ATAD5: variants seen among roughly 807,000 people sequenced by gnomAD.
ATAD5 encodes ATPase family AAA domain-containing protein 5.
Under a neutral mutation model 176.9 loss-of-function variants are expected in ATAD5, and 58 were observed. That is an observed-to-expected ratio of 0.33 (90% confidence interval 0.27 to 0.41). The LOEUF (loss-of-function observed/expected upper bound fraction) is 0.41, where lower values mean the gene tolerates loss of function less well. ATAD5 is among the 10% of genes least tolerant of loss of function. The pLI is 1.00. For synonymous variants in ATAD5, 640 were observed against 712.6 expected (o/e 0.90, Z 1.62); for missense variants, 1,789 against 2,094.1 (o/e 0.85, Z 2.84).
chr17:30,894,502 G>A, intron 21 of ATAD5, 62 bp from the exon 22 acceptor site: 1 of 1,507,924 alleles, frequency 6.6e-7, no homozygotes, highest in Admixed American at 1.9e-5. Flanking sequence ...AACTGGTTGT[G>A]ATTGGGATTA....
intron 6 of ATAD5, 43 bp downstream of exon 6, chr17:30,844,959 A>T (rs201904097): frequency 6.2e-6 from 9 of 1,462,618 alleles, no homozygotes; most frequent in Non-Finnish European, 6.5e-6. Flanking sequence ...TATTTTATAG[A>T]ATGTATTTGT....
In ATAD5 at chr17:30,848,163, AGTT is replaced by A. The variant is rs978025083; in HGVS notation, c.2450+3254_2450+3256del. On this transcript the variant is annotated intron_variant, in intron 6 of 22. Transcript: ENST00000321990. ...AAGAACCTGGCAAACTGTTGTCCCA[AGTT>A]GTTGTTCGGTTTTACACTCCCACCA... Among the ~76,000 whole-genome samples, 6 of 152,268 alleles carry A rather than the reference AGTT, an allele frequency of 3.9e-5. No homozygotes were observed. In the South Asian group the frequency reaches 8.3e-4, roughly 21 times the overall value.
intron 6 of ATAD5, among the ~76,000 whole-genome samples, chr17:30,850,414 G>T (rs1233852234): frequency 6.7e-6 from 1 of 149,590 alleles, no homozygotes; most frequent in African/African-American, 2.5e-5. Context: ...AGGCTGGAGT[G>T]CAGTGGTGTG....
rs1475568477 is a variant in ATAD5 at position 30,834,889 on chromosome 17, T to C, written c.808T>C (p.Phe270Leu). The change falls in exon 2 of 23, where the codon TTT becomes CTT. Residue 270 changes from phenylalanine to leucine, a missense_variant. By Grantham distance (22) the Phe-to-Leu change is conservative. Transcript: ENST00000321990. ...DSIITVSYEEFLKSHKENKVE... is the reference protein window; with the variant it reads ...DSIITVSYEELLKSHKENKVE... ...TATAATAACTGTCTCATATGAGGAA[T>C]TTTTAAAAAGTCACAAGGAAAATAA... is the stretch of plus-strand genomic sequence containing the variant. 5.0e-6 allele frequency: 8 copies of C among 1,613,570 alleles called. No homozygotes were observed. Among genetic ancestry groups the C allele is most frequent in the Non-Finnish European group, 6.8e-6 (8 of 1,179,884 alleles).
intron 18 of ATAD5, 125 bp from the exon 19 acceptor site, chr17:30,887,067 G>T (rs1909363296): frequency 3.0e-6 from 2 of 675,698 alleles, no homozygotes; most frequent in Non-Finnish European, 4.7e-6. Context: ...TCATCCTCAA[G>T]AAGAGCATTT....
intron 6 of ATAD5, among the ~76,000 whole-genome samples, chr17:30,847,877 G>A (rs144103576): frequency 0.019 from 2,828 of 151,380 alleles, 105 homozygotes; most frequent in African/African-American, 0.065. Context: ...CTGTCACCAC[G>A]CCTGGCTAAT....
chr17:30,841,337 C>A (rs184514820), intron 4 of ATAD5, among the ~76,000 whole-genome samples: 1 of 152,270 alleles, frequency 6.6e-6, no homozygotes, highest in Admixed American at 6.5e-5. Flanking sequence ...TTGTTCATTT[C>A]TCCCTAAATG....
rs766021310 is a variant in ATAD5, at chr17:30,834,941, T to C, written c.860T>C (p.Met287Thr). ...NKVEEIPDSTMSICVPSETVD... is the reference protein window; with the variant it reads ...NKVEEIPDSTTSICVPSETVD... ...GTGGAAGAGATACCAGACTCTACAA[T>C]GTCAATTTGTGTTCCTTCTGAAACT... Residue 287 changes from methionine (M) to threonine (T), a missense_variant, in exon 2 of 23, where the codon ATG becomes ACG. Around this residue, in one of 6 missense-constraint regions of ATAD5, gnomAD observed 696 missense variants for 712.5 expected, o/e 0.98. Transcript: ENST00000321990. 6 of 1,265,042 alleles carry C rather than the reference T, an allele frequency of 4.7e-6. No individual in the cohort carries two copies. The highest frequency in any genetic ancestry group is 6.4e-6 in the Non-Finnish European group (6 of 941,520). The allele number at this position is 1,265,042 out of a possible 1,614,324, so 78.4% of individuals were successfully genotyped here.
Position 30,894,116 on chromosome 17 carries a change from A to C in ATAD5, c.5263A>C (p.Asn1755His). Residue 1755 changes from asparagine (N) to histidine (H), a missense_variant, in exon 21 of 23, where the codon AAT becomes CAT. Coordinates refer to ENST00000321990, the MANE Select transcript of ATAD5 (RefSeq NM_024857.5). Reference sequence around the variant, plus strand: ...TTTTTATGTTTCACAAAAGCGCAATAATGTATACTTTAGTCAGTCAGCAGC... The same window carrying C: ...TTTTTATGTTTCACAAAAGCGCAATCATGTATACTTTAGTCAGTCAGCAGC... ...LTFYVSQKRNNVYFSQSAANL... is the reference protein window; with the variant it reads ...LTFYVSQKRNHVYFSQSAANL... 1 of 1,589,442 alleles carries C rather than the reference A, an allele frequency of 6.3e-7. No homozygotes were observed. Among genetic ancestry groups the C allele is most frequent in the South Asian group, 1.1e-5 (1 of 88,426 alleles).
intron 1 of ATAD5, among the ~76,000 whole-genome samples, chr17:30,833,186 G>GT (rs201276936): frequency 1.7e-3 from 249 of 149,038 alleles, no homozygotes; most frequent in East Asian, 0.011. Context: ...TTTTGTTTTT[G>GT]TTTTTTTTTG....
chr17:30,840,850 C>A, intron 4 of ATAD5, 69 bp downstream of exon 4: 1 of 1,440,614 alleles, frequency 6.9e-7, no homozygotes, highest in Non-Finnish European at 9.4e-7. Context: ...GAGAAGGAAA[C>A]CATTATAAAG....
chr17:30,878,987 C>A (rs1314011107), intron 17 of ATAD5, among the ~76,000 whole-genome samples: 2 of 152,092 alleles, frequency 1.3e-5, no homozygotes, highest in East Asian at 3.9e-4. Flanking sequence ...CTGCCTCGGC[C>A]TCCCAAAGTG....
intron 19 of ATAD5, among the ~76,000 whole-genome samples, chr17:30,889,886 CTTTTTTT>C (rs60266614): frequency 3.1e-5 from 3 of 95,718 alleles, no homozygotes; most frequent in Non-Finnish European, 6.0e-5. Flanking sequence ...TCTTTTCTTT[CTTTTTTT>C]TTTTTTTTTT....
At chr17:30,888,388 C>CA (rs1909432442) in intron 19 of ATAD5, among the ~76,000 whole-genome samples, 1 of 151,830 alleles carries the variant, frequency 6.6e-6, no homozygotes, top group South Asian at 2.1e-4. Context: ...CCCATCTCTA[C>CA]AAAAAATTGG....
In ATAD5 at chr17:30,877,546, G is replaced by A. The variant is rs757301028; in HGVS notation, c.3915G>A (p.Glu1305=). The A allele has an allele frequency of 6.2e-7, 1 of 1,608,178 alleles. No homozygotes were observed. The highest frequency in any genetic ancestry group is 1.7e-5 in the Admixed American group (1 of 57,902). ...ATGCAACATCTCTTATTCTTTTTGAGGAGGTAGGCTTATAGAAGTATACAT... is the reference window on the plus strand; with the variant it reads ...ATGCAACATCTCTTATTCTTTTTGAAGAGGTAGGCTTATAGAAGTATACAT... ...RKNATSLILF[E]EVDVIFDEDA... The change falls in exon 16 of 23, where the codon GAG becomes GAA. Residue 1305 remains glutamate (E), a synonymous_variant. Transcript: ENST00000321990.
At chr17:30,848,535 A>G (rs140658016) in intron 6 of ATAD5, among the ~76,000 whole-genome samples, 48 of 152,312 alleles carry the variant, frequency 3.2e-4, no homozygotes, top group African/African-American at 1.0e-3. Flanking sequence ...TTGGGATTAC[A>G]GGCGTGAGCC....
intron 14 of ATAD5, among the ~76,000 whole-genome samples, chr17:30,870,608 A>G (rs541335868): frequency 6.6e-6 from 1 of 152,264 alleles, no homozygotes; most frequent in Admixed American, 6.5e-5. Flanking sequence ...ATTCCTCATC[A>G]ACTCTTTGGA....
At chr17:30,868,490 A>G in intron 12 of ATAD5, 78 bp downstream of exon 12, 2 of 956,752 alleles carry the variant, frequency 2.1e-6, no homozygotes, top group Non-Finnish European at 1.4e-6. Flanking sequence ...AACTTTCTAT[A>G]AAATTTCTTT....
Position 30,877,879 on chromosome 17 carries a change from A to G in ATAD5, c.3919-124A>G, listed in dbSNP as rs908577197. 3 of 711,046 alleles carry G rather than the reference A, an allele frequency of 4.2e-6. No homozygotes were observed. In the African/African-American group the frequency reaches 5.5e-5, roughly 13 times the overall value. The allele number at this position is 711,046 out of a possible 1,614,324, so 44.0% of individuals were successfully genotyped here. The stretch of plus-strand genomic sequence containing the variant: ...ATAGTGTATGACATAAACTTTCAAC[A>G]TGAGCTGAATTCACACTTCATAAAT... On this transcript the variant is annotated intron_variant, in intron 16 of 22. Coordinates refer to ENST00000321990, the MANE Select transcript of ATAD5 (RefSeq NM_024857.5).
Sources: gnomAD v4.1 joint callset for allele counts (sites outside exome capture counted in the v4.1 genomes callset) on GRCh38, gnomAD v4.1.1 for gene constraint, gnomAD v4.1.1 regional missense constraint, MANE v1.5 for transcripts, NCBI Gene and HGNC (gene_info 2026-07-23, HGNC 2026-07-21) for gene names.